Variants in MAGI1 observed in about 807,000 individuals in gnomAD.
MAGI1 encodes the protein membrane-associated guanylate kinase, WW and PDZ domain-containing protein 1.
In MAGI1, 58 loss-of-function variants were observed where a neutral mutation model predicts 139.9. The observed-to-expected ratio is 0.41, with a 90% CI of 0.34 to 0.52. The LOEUF (loss-of-function observed/expected upper bound fraction) is 0.52, where lower values mean the gene tolerates loss of function less well. Among genes scored for constraint, MAGI1 ranks in the 20% least tolerant of loss-of-function variants. The pLI is 0.12. For missense variants in MAGI1, 1,874 were observed against 1,901.6 expected (o/e 0.99, Z 0.27); for synonymous variants, 812 against 737.9 (o/e 1.10, Z -1.63).
intron 1 of MAGI1, among the ~76,000 whole-genome samples, chr3:65,705,751 C>T (rs888685242): frequency 6.6e-6 from 1 of 152,166 alleles, no homozygotes; most frequent in Non-Finnish European, 1.5e-5. Flanking sequence ...AATCAAATGG[C>T]TACAAAAGTT....
chr3:65,577,911 C>T (rs961143342), intron 2 of MAGI1, among the ~76,000 whole-genome samples: 2 of 152,172 alleles, frequency 1.3e-5, no homozygotes, highest in African/African-American at 4.8e-5. Flanking sequence ...CCTTTATTCG[C>T]TCCTGTTTGT....
intron 12 of MAGI1, among the ~76,000 whole-genome samples, chr3:65,415,497 C>G (rs559060107): frequency 6.6e-6 from 1 of 152,198 alleles, no homozygotes; most frequent in Non-Finnish European, 1.5e-5. Context: ...AGGGCTGGCT[C>G]AGGCTGCACT....
intron 2 of MAGI1, among the ~76,000 whole-genome samples, chr3:65,536,627 T>G (rs991765346): frequency 6.6e-6 from 1 of 152,214 alleles, no homozygotes; most frequent in African/African-American, 2.4e-5. Context: ...GAGGTGCATG[T>G]GACCCTGAGC....
At chr3:65,818,930 T>G (rs558799305) in intron 1 of MAGI1, among the ~76,000 whole-genome samples, 2 of 152,324 alleles carry the variant, frequency 1.3e-5, no homozygotes, top group African/African-American at 4.8e-5. Flanking sequence ...CCATTCATAC[T>G]AGAAAACATA....
intron 2 of MAGI1, 143 bp from the exon 3 acceptor site, chr3:65,493,774 G>T: frequency 2.3e-6 from 2 of 878,998 alleles, no homozygotes; most frequent in Non-Finnish European, 3.4e-6. Context: ...CAGGGACACA[G>T]TAAAGGCAAC....
chr3:65,877,398 G>A (rs2060158017), intron 1 of MAGI1, among the ~76,000 whole-genome samples: 1 of 152,102 alleles, frequency 6.6e-6, no homozygotes, highest in African/African-American at 2.4e-5. Context: ...ATAAATGTTG[G>A]CAGCCTCCCT....
Position 65,722,215 on chromosome 3 carries a change from T to C in MAGI1, c.314-100127A>G, listed in dbSNP as rs971760490. Among the ~76,000 whole-genome samples the C allele has an allele frequency of 3.9e-5, 6 of 152,338 alleles. 1 individual carries two copies. The highest frequency in any genetic ancestry group is 2.1e-4 in the South Asian group (1 of 4,830). ...GGAAACTAAACTTAGTATGTCGTGA[T>C]ACAAGTACTCACCACAGTTGATTTG... On this transcript the variant is annotated intron_variant, in intron 1 of 22. Coordinates refer to ENST00000402939, the MANE Select transcript of MAGI1 (RefSeq NM_001033057.2).
rs72892344 is a variant in MAGI1 at position 65,400,349 on chromosome 3, T to C, written c.2199+1090A>G. Among the ~76,000 whole-genome samples, 872 of 152,226 alleles carry C rather than the reference T, an allele frequency of 5.7e-3. 9 individuals are homozygous for C. The highest frequency in any genetic ancestry group is 0.02 in the African/African-American group (828 of 41,542). ...GGTTTAAAATGCAGGAAGCTCCCTC[T>C]CTCATCTCCTTAATAAACTTCTGCC... On this transcript the variant is annotated intron_variant, in intron 13 of 22. Coordinates refer to ENST00000402939, the MANE Select transcript of MAGI1 (RefSeq NM_001033057.2).
At chr3:65,409,393 AT>A (rs1351966168) in intron 12 of MAGI1, among the ~76,000 whole-genome samples, 1 of 151,980 alleles carries the variant, frequency 6.6e-6, no homozygotes, top group African/African-American at 2.4e-5. Context: ...AATGGCTAGC[AT>A]TTAATCGTGG....
At chr3:65,895,190 C>T (rs1221770894) in intron 1 of MAGI1, among the ~76,000 whole-genome samples, 3 of 152,180 alleles carry the variant, frequency 2.0e-5, no homozygotes, top group Non-Finnish European at 4.4e-5. Flanking sequence ...GACATAAAGG[C>T]AACTGTACTT....
At chr3:65,612,800 T>TA (rs1166251498) in intron 2 of MAGI1, among the ~76,000 whole-genome samples, 1 of 152,176 alleles carries the variant, frequency 6.6e-6, no homozygotes, top group African/African-American at 2.4e-5. Flanking sequence ...CTTGGGAAAC[T>TA]AAAATATCCT....
intron 1 of MAGI1, among the ~76,000 whole-genome samples, chr3:65,836,532 G>A (rs916225375): frequency 5.3e-5 from 8 of 152,094 alleles, no homozygotes; most frequent in Non-Finnish European, 8.8e-5. Context: ...CTAAAGAAAG[G>A]GAAAGAGGCC....
intron 2 of MAGI1, 46 bp downstream of exon 2, chr3:65,621,926 C>CAT (rs765355908): frequency 7.2e-6 from 10 of 1,383,092 alleles, no homozygotes; most frequent in East Asian, 2.3e-5. Context: ...TTCACACACA[C>CAT]ACACACACAC....
At chr3:65,798,773 A>C (rs946047117) in intron 1 of MAGI1, among the ~76,000 whole-genome samples, 5 of 152,156 alleles carry the variant, frequency 3.3e-5, no homozygotes, top group Non-Finnish European at 4.4e-5. Flanking sequence ...TTAAATGAAA[A>C]ATTTCAGAAA....
intron 3 of MAGI1, among the ~76,000 whole-genome samples, chr3:65,479,607 T>C (rs1951128729): frequency 6.6e-6 from 1 of 152,154 alleles, no homozygotes. Flanking sequence ...AATATAAAGT[T>C]TGCCTTTAGA....
chr3:65,411,667 A>G (rs1481662462), intron 12 of MAGI1, among the ~76,000 whole-genome samples: 1 of 152,184 alleles, frequency 6.6e-6, no homozygotes, highest in Non-Finnish European at 1.5e-5. Flanking sequence ...AGGTTAAAAA[A>G]TACACGCTGG....
chr3:65,703,125 G>A (rs562804355), intron 1 of MAGI1, among the ~76,000 whole-genome samples: 15 of 152,248 alleles, frequency 9.9e-5, no homozygotes, highest in East Asian at 3.9e-4. Context: ...GGCATGATGC[G>A]CATCTCTCTA....
chr3:65,988,586 G>C (rs1035855448), intron 1 of MAGI1, among the ~76,000 whole-genome samples: 1 of 152,138 alleles, frequency 6.6e-6, no homozygotes, highest in Non-Finnish European at 1.5e-5. Context: ...CAGTGAAAGG[G>C]AGTCTAACCT....
chr3:65,530,806 C>CACATATATACACGTATATATATATAT lies in MAGI1; in HGVS notation c.431-37176_431-37175insATATATATATATACGTGTATATATGT, dbSNP rs1559643114. Among the ~76,000 whole-genome samples the CACATATATACACGTATATATATATAT allele has an allele frequency of 2.4e-3, 102 of 42,084 alleles. 3 individuals are homozygous for CACATATATACACGTATATATATATAT. Among genetic ancestry groups the CACATATATACACGTATATATATATAT allele is most frequent in the South Asian group, 0.011 (20 of 1,850 alleles). 27.6% of individuals were successfully genotyped at this position (42,084 alleles called of 152,430 possible). ...ATATATACACGTATATATATATATA[C>CACATATATACACGTATATATATATAT]ACACATATATATACACGTATATATA... On this transcript the variant is annotated intron_variant, in intron 2 of 22. Transcript: ENST00000402939.
Sources: allele counts gnomAD v4.1 joint callset (sites outside exome capture counted in the v4.1 genomes callset), GRCh38; gene constraint gnomAD v4.1.1; transcripts MANE v1.5; gene names NCBI Gene and HGNC (gene_info 2026-07-23, HGNC 2026-07-21).